The following NDC1 variants were observed in gnomAD, a reference collection of about 807,000 sequenced individuals.
The protein encoded by NDC1 is NDC1 transmembrane nucleoporin.
Under a neutral mutation model 89.8 loss-of-function variants are expected in NDC1, and 24 were observed. The ratio of observed to expected loss-of-function variants is 0.27; its 90% CI spans 0.19 to 0.38. NDC1 has a LOEUF of 0.38. Ranked by LOEUF, NDC1 falls within the 10% of genes least tolerant of loss-of-function variation. The pLI is 1.00. For missense variants in NDC1, 728 were observed against 797.6 expected, an observed-to-expected ratio of 0.91 and a Z score of 1.05; for synonymous variants, 296 against 284.8, an observed-to-expected ratio of 1.04 and a Z score of -0.39.
chr1:53,771,007 T>A (rs1647108498), intron 17 of NDC1: 2 of 152,432 alleles, frequency 1.3e-5, no homozygotes, highest in African/African-American at 4.8e-5. Flanking sequence ...CTTGCCTTTT[T>A]TCCCCCAGGG....
intron 16 of NDC1, among the ~76,000 whole-genome samples, chr1:53,773,327 G>C (rs891522918): frequency 6.6e-6 from 1 of 152,080 alleles, no homozygotes; most frequent in Non-Finnish European, 1.5e-5. Flanking sequence ...TTGCCATCAA[G>C]TTCTTAATTT....
chr1:53,817,760 T>A (rs1257759478), intron 6 of NDC1, among the ~76,000 whole-genome samples: 1 of 152,152 alleles, frequency 6.6e-6, no homozygotes, highest in Non-Finnish European at 1.5e-5. Context: ...CAGGATGGCC[T>A]ATACACAGTG....
intron 10 of NDC1, among the ~76,000 whole-genome samples, chr1:53,803,611 A>G (rs1349394233): frequency 1.3e-5 from 2 of 152,048 alleles, no homozygotes; most frequent in Non-Finnish European, 2.9e-5. Flanking sequence ...TCACTCTGTC[A>G]CCCAGGCTGG....
intron 16 of NDC1, among the ~76,000 whole-genome samples, chr1:53,774,379 T>C (rs1431237039): frequency 6.6e-6 from 1 of 152,214 alleles, no homozygotes; most frequent in African/African-American, 2.4e-5. Flanking sequence ...TCGTGGCAGA[T>C]TGAACAAATG....
intron 1 of NDC1, 78 bp from the exon 2 acceptor site, chr1:53,835,698 A>G: frequency 1.5e-6 from 2 of 1,303,466 alleles, no homozygotes; most frequent in Non-Finnish European, 2.1e-6. Context: ...CTTTTCATAC[A>G]GGATGTTAAC....
intron 14 of NDC1, among the ~76,000 whole-genome samples, chr1:53,792,460 G>T (rs1647552095): frequency 6.6e-6 from 1 of 152,186 alleles, no homozygotes; most frequent in African/African-American, 2.4e-5. Flanking sequence ...TTCTATCAGG[G>T]TTGCTCAGAC....
chr1:53,834,464 C>T (rs1039207934), intron 2 of NDC1, among the ~76,000 whole-genome samples: 2 of 152,164 alleles, frequency 1.3e-5, no homozygotes, highest in African/African-American at 4.8e-5. Context: ...CCAATATCTC[C>T]AAAGGTCATG....
At chr1:53,837,534 C>G (rs1049270952) in intron 1 of NDC1, among the ~76,000 whole-genome samples, 2 of 151,696 alleles carry the variant, frequency 1.3e-5, no homozygotes, top group African/African-American at 4.9e-5. Flanking sequence ...CGCGCCATTG[C>G]ACTGCAGCCT....
At chr1:53,832,377 T>A in intron 3 of NDC1, 113 bp downstream of exon 3, 1 of 613,844 alleles carries the variant, frequency 1.6e-6, no homozygotes, top group East Asian at 2.8e-5. Flanking sequence ...TATGATTCTG[T>A]ATACGTTTTT....
chr1:53,801,493 G>A (rs1287636379), intron 10 of NDC1, among the ~76,000 whole-genome samples: 5 of 151,992 alleles, frequency 3.3e-5, no homozygotes, highest in Non-Finnish European at 5.9e-5. Context: ...GATCTTTGTC[G>A]CCTAGAGTTA....
intron 16 of NDC1, among the ~76,000 whole-genome samples, chr1:53,774,965 C>T (rs1287038048): frequency 6.6e-6 from 1 of 152,156 alleles, no homozygotes; most frequent in Non-Finnish European, 1.5e-5. Flanking sequence ...ATTTTTATTC[C>T]ATATTTTCTA....
chr1:53,800,910 G>C, intron 10 of NDC1, 62 bp from the exon 11 acceptor site: 1 of 1,468,764 alleles, frequency 6.8e-7, no homozygotes, highest in South Asian at 1.4e-5. Flanking sequence ...TCTTGAAGTG[G>C]GGGAAAAAGT....
intron 13 of NDC1, among the ~76,000 whole-genome samples, chr1:53,796,152 C>G (rs1647689808): frequency 6.6e-6 from 1 of 152,234 alleles, no homozygotes; most frequent in Admixed American, 6.5e-5. Flanking sequence ...TAGGAACTCT[C>G]TGTCTTCCTT....
At chr1:53,834,078 C>T (rs948779451) in intron 2 of NDC1, among the ~76,000 whole-genome samples, 1 of 152,194 alleles carries the variant, frequency 6.6e-6, no homozygotes, top group Non-Finnish European at 1.5e-5. Context: ...CCACCACACT[C>T]GGCCCATTGA....
intron 16 of NDC1, among the ~76,000 whole-genome samples, chr1:53,785,553 G>A (rs1647281518): frequency 6.6e-6 from 1 of 152,050 alleles, no homozygotes; most frequent in Admixed American, 6.6e-5. Flanking sequence ...GAAAGAAATG[G>A]AGAAGCATAT....
In NDC1 at chr1:53,800,677, TA is replaced by T; in HGVS notation, c.1222+15del. The T allele has an allele frequency of 6.2e-7, 1 of 1,612,502 alleles. No individual in the cohort carries two copies. The highest frequency in any genetic ancestry group is 1.1e-5 in the South Asian group (1 of 91,042). ...AAATGTAAATGTTTTCCCCTCTTAG[TA>T]GTCCTAGGGATTACCTGGAGAATTT... On this transcript the variant is annotated intron_variant, in intron 11 of 17. Transcript: ENST00000371429.
Position 53,800,677 on chromosome 1 carries a change from T to A in NDC1, c.1222+16A>T, listed in dbSNP as rs1278025365. ...AAATGTAAATGTTTTCCCCTCTTAG[T>A]AGTCCTAGGGATTACCTGGAGAATT... On this transcript the variant is annotated intron_variant, in intron 11 of 17. Transcript: ENST00000371429. 3 of 1,612,502 alleles carry A rather than the reference T, an allele frequency of 1.9e-6. No individual in the cohort carries two copies. Among genetic ancestry groups the A allele is most frequent in the Non-Finnish European group, 2.5e-6 (3 of 1,178,564 alleles).
chr1:53,790,145 AC>A (rs1287094089), intron 14 of NDC1, among the ~76,000 whole-genome samples: 1 of 151,600 alleles, frequency 6.6e-6, no homozygotes, highest in African/African-American at 2.4e-5. Flanking sequence ...TGGGTGGATC[AC>A]CTGAGGTCAG....
At chr1:53,781,140 G>T (rs1386920467) in intron 16 of NDC1, among the ~76,000 whole-genome samples, 1 of 151,996 alleles carries the variant, frequency 6.6e-6, no homozygotes, top group Non-Finnish European at 1.5e-5. Context: ...ACAGGCATGA[G>T]CCAACGCACT....
Sources: allele counts gnomAD v4.1 joint callset (sites outside exome capture counted in the v4.1 genomes callset), GRCh38; gene constraint gnomAD v4.1.1; transcripts MANE v1.5; gene names NCBI Gene and HGNC (gene_info 2026-07-23, HGNC 2026-07-21).